The following PIGL variants were observed in gnomAD, a reference collection of about 807,000 sequenced individuals.
PIGL encodes the protein phosphatidylinositol glycan anchor biosynthesis class L.
In PIGL, 22 loss-of-function variants were observed where a neutral mutation model predicts 31.1. The observed-to-expected ratio is 0.71, with a 90% CI of 0.51 to 1.01. The LOEUF (loss-of-function observed/expected upper bound fraction) is 1.01, where lower values mean the gene tolerates loss of function less well. PIGL is among the 50% of genes least tolerant of loss of function. The pLI, the probability that PIGL is intolerant of heterozygous loss-of-function variation, is 0.00. For missense variants in PIGL, 302 were observed against 315.9 expected, an observed-to-expected ratio of 0.96 and a Z score of 0.33; for synonymous variants, 131 against 117.4, an observed-to-expected ratio of 1.12 and a Z score of -0.75.
At chr17:16,284,908 G>A (rs2092931019) in intron 2 of PIGL, among the ~76,000 whole-genome samples, 1 of 152,140 alleles carries the variant, frequency 6.6e-6, no homozygotes, top group African/African-American at 2.4e-5. Context: ...CCCGTGTATT[G>A]ATAAATCGAC....
intron 2 of PIGL, among the ~76,000 whole-genome samples, chr17:16,239,614 CTG>C (rs1033797356): frequency 5.9e-5 from 9 of 152,138 alleles, no homozygotes; most frequent in Non-Finnish European, 8.8e-5. Context: ...GAAATGTAAA[CTG>C]TGAATAGTGG....
chr17:16,300,312 A>G, intron 3 of PIGL: 1 of 227,560 alleles, frequency 4.4e-6, no homozygotes, highest in Non-Finnish European at 8.7e-6. Flanking sequence ...GAGCCTGCCC[A>G]GTGATTCTCA....
chr17:16,263,680 G>A (rs774777003), intron 2 of PIGL, among the ~76,000 whole-genome samples: 1 of 146,666 alleles, frequency 6.8e-6, no homozygotes, highest in Non-Finnish European at 1.5e-5. Context: ...GCACCACCAC[G>A]CCCAGCTAAT....
At chr17:16,271,542 T>G (rs2092872512) in intron 2 of PIGL, among the ~76,000 whole-genome samples, 1 of 152,184 alleles carries the variant, frequency 6.6e-6, no homozygotes, top group African/African-American at 2.4e-5. Flanking sequence ...AACACTTTTT[T>G]TTTTTTTGAG....
At chr17:16,273,091 C>G (rs1228624620) in intron 2 of PIGL, among the ~76,000 whole-genome samples, 1 of 152,130 alleles carries the variant, frequency 6.6e-6, no homozygotes, top group Non-Finnish European at 1.5e-5. Flanking sequence ...TCTCAAATAT[C>G]AGGTCCTAGG....
chr17:16,270,751 G>T (rs1367326330), intron 2 of PIGL, among the ~76,000 whole-genome samples: 3 of 151,964 alleles, frequency 2.0e-5, no homozygotes, highest in Admixed American at 2.0e-4. Flanking sequence ...ACAAAAATTA[G>T]CCGGGTGTGG....
intron 2 of PIGL, among the ~76,000 whole-genome samples, chr17:16,286,811 G>A (rs2092939976): frequency 6.6e-6 from 1 of 152,080 alleles, no homozygotes; most frequent in South Asian, 2.1e-4. Context: ...TTAATGAGGT[G>A]CCTCATGTGC....
At chr17:16,230,673 A>T (rs1042469423) in intron 1 of PIGL, among the ~76,000 whole-genome samples, 4 of 150,558 alleles carry the variant, frequency 2.7e-5, no homozygotes, top group Non-Finnish European at 5.9e-5. Context: ...GCTGGAGTGC[A>T]GTGGCACAGT....
chr17:16,220,689 G>A (rs1600735044), intron 1 of PIGL, among the ~76,000 whole-genome samples: 1 of 151,942 alleles, frequency 6.6e-6, no homozygotes, highest in Non-Finnish European at 1.5e-5. Flanking sequence ...CTTTCTCCAT[G>A]TTGGTCAGGC....
At chr17:16,311,793 C>T (rs2093051680) in intron 3 of PIGL, among the ~76,000 whole-genome samples, 1 of 152,094 alleles carries the variant, frequency 6.6e-6, no homozygotes, top group Non-Finnish European at 1.5e-5. Flanking sequence ...CAGAGATCAA[C>T]AGCATCGCAA....
At chr17:16,287,041 G>C (rs1049385159) in intron 2 of PIGL, among the ~76,000 whole-genome samples, 7 of 152,346 alleles carry the variant, frequency 4.6e-5, no homozygotes, top group Admixed American at 2.6e-4. Flanking sequence ...GCTTAGTCCA[G>C]ATCACTTAAA....
chr17:16,317,583 A>T, intron 5 of PIGL, 192 bp from the exon 6 acceptor site: 2 of 1,392,754 alleles, frequency 1.4e-6, no homozygotes, highest in Admixed American at 5.8e-5. Context: ...CAGGTCTTCT[A>T]TGGCCCTTTT....
chr17:16,314,670 C>T (rs998410227), intron 4 of PIGL, among the ~76,000 whole-genome samples: 6 of 152,294 alleles, frequency 3.9e-5, no homozygotes, highest in Middle Eastern at 3.4e-3. Context: ...AAAGACTATT[C>T]GGTTCCTGGT....
chr17:16,265,361 C>T (rs1470936487), intron 2 of PIGL, among the ~76,000 whole-genome samples: 1 of 152,090 alleles, frequency 6.6e-6, no homozygotes, highest in Non-Finnish European at 1.5e-5. Flanking sequence ...GCTGGAGACT[C>T]CTGTGGGTGT....
intron 2 of PIGL, among the ~76,000 whole-genome samples, chr17:16,293,661 C>T (rs1055151484): frequency 6.6e-6 from 1 of 152,208 alleles, no homozygotes; most frequent in African/African-American, 2.4e-5. Flanking sequence ...GTTAAACCCC[C>T]TAACACACTT....
At position 16,255,661 on chromosome 17, in the gene PIGL, CAA is replaced by C. The variant is rs371268160; in HGVS notation, c.335+21596_335+21597del. On this transcript the variant is annotated intron_variant, in intron 2 of 6. Coordinates refer to ENST00000225609, the MANE Select transcript of PIGL (RefSeq NM_004278.4). Reference sequence around the variant, plus strand: ...TGAGAGCCTTCCCCTTACAAAAAAACAAAAAAGACCATAGCTTGCTGCCAAAG... The same window carrying C: ...TGAGAGCCTTCCCCTTACAAAAAAACAAAAGACCATAGCTTGCTGCCAAAG... 6.3e-3 allele frequency among the ~76,000 whole-genome samples: 958 copies of C among 152,158 alleles called. 17 individuals carry two copies. Among genetic ancestry groups the C allele is most frequent in the African/African-American group, 0.021 (892 of 41,536 alleles).
intron 2 of PIGL, among the ~76,000 whole-genome samples, chr17:16,237,603 C>A (rs1217326274): frequency 6.6e-6 from 1 of 150,732 alleles, no homozygotes; most frequent in East Asian, 2.0e-4. Flanking sequence ...GAATTTGAGA[C>A]CAGCCTGGGC....
At chr17:16,303,117 G>T (rs2093011812) in intron 3 of PIGL, among the ~76,000 whole-genome samples, 1 of 152,070 alleles carries the variant, frequency 6.6e-6, no homozygotes, top group Admixed American at 6.6e-5. Flanking sequence ...CCCATGTTTG[G>T]GTCCCAGAAA....
chr17:16,268,908 G>A (rs568158682), intron 2 of PIGL, among the ~76,000 whole-genome samples: 7 of 152,064 alleles, frequency 4.6e-5, no homozygotes, highest in South Asian at 2.1e-4. Context: ...GACTACAGGC[G>A]CGTGCCACCA....
Sources: allele counts gnomAD v4.1 joint callset (sites outside exome capture counted in the v4.1 genomes callset), GRCh38; gene constraint gnomAD v4.1.1; transcripts MANE v1.5; gene names NCBI Gene and HGNC (gene_info 2026-07-23, HGNC 2026-07-21).